The following TNFAIP6 variants were observed in gnomAD, a reference collection of about 807,000 sequenced individuals.
TNFAIP6 encodes the protein TNF alpha induced protein 6.
TNFAIP6 carries 36 observed loss-of-function variants against 33.7 expected under a neutral mutation model. That is an observed-to-expected ratio of 1.07 (90% CI 0.82 to 1.41). TNFAIP6 has a LOEUF of 1.41. Among genes scored for constraint, TNFAIP6 ranks in the 40% most tolerant of loss-of-function variants. TNFAIP6 has a pLI of 0.00. For synonymous variants in TNFAIP6, 113 were observed against 112.8 expected, an observed-to-expected ratio of 1.00 and a Z score of -0.01; for missense variants, 273 against 331.9, an observed-to-expected ratio of 0.82 and a Z score of 1.38.
Position 151,373,930 on chromosome 2 carries a change from G to C in TNFAIP6, c.664+341G>C, listed in dbSNP as rs118009470. On this transcript the variant is annotated intron_variant, in intron 5 of 5. Transcript: ENST00000243347. ...TGAAATTTTTCATTGATAAAGGGTT[G>C]AAGTCATTTATAAAGTCATTAAAAA... Among the ~76,000 whole-genome samples the C allele has an allele frequency of 3.9e-3, 588 of 152,204 alleles. 10 individuals are homozygous for C. The highest frequency in any genetic ancestry group is 0.025 in the Admixed American group (388 of 15,276).
intron 5 of TNFAIP6, among the ~76,000 whole-genome samples, chr2:151,376,938 G>A (rs1413700944): frequency 8.7e-5 from 12 of 138,682 alleles, no homozygotes; most frequent in African/African-American, 1.9e-4. Context: ...GTGCAAGGGC[G>A]CCATCACAGC....
At chr2:151,362,532 C>T (rs1325101465) in intron 1 of TNFAIP6, among the ~76,000 whole-genome samples, 1 of 126,962 alleles carries the variant, frequency 7.9e-6, no homozygotes, top group African/African-American at 3.1e-5. Context: ...TCACTGTCGC[C>T]CAGGCTGGAG....
chr2:151,375,586 T>G (rs1367598925), intron 5 of TNFAIP6, among the ~76,000 whole-genome samples: 1 of 152,020 alleles, frequency 6.6e-6, no homozygotes, highest in East Asian at 1.9e-4. Context: ...CACACGCCTG[T>G]AGTCCCAGCC....
intron 3 of TNFAIP6, chr2:151,368,281 A>G (rs1285433940): frequency 6.5e-6 from 1 of 153,218 alleles, no homozygotes; most frequent in Non-Finnish European, 1.5e-5. Flanking sequence ...AATGAAGAAA[A>G]TGAAGTGTAG....
Position 151,379,430 on chromosome 2 carries a change from A to G in TNFAIP6, c.731A>G (p.Tyr244Cys). The part of the protein sequence containing the change: ...SVTAGGFQIK[Y>C]VAMDPVSKSS... Reference sequence around the variant, plus strand: ...ACAGCTGGAGGTTTCCAAATCAAATATGTTGCAATGGATCCTGTATCCAAA... The same window carrying G: ...ACAGCTGGAGGTTTCCAAATCAAATGTGTTGCAATGGATCCTGTATCCAAA... Residue 244 changes from tyrosine to cysteine, a missense_variant, in exon 6 of 6, where the codon TAT (tyrosine) becomes TGT (cysteine). Transcript: ENST00000243347. 1 of 1,609,978 alleles carries G rather than the reference A, an allele frequency of 6.2e-7. No individual in the cohort carries two copies. Among genetic ancestry groups the G allele is most frequent in the African/African-American group, 1.3e-5 (1 of 74,672 alleles).
intron 2 of TNFAIP6, among the ~76,000 whole-genome samples, chr2:151,365,161 C>T (rs1020704778): frequency 7.9e-5 from 12 of 152,062 alleles, no homozygotes; most frequent in East Asian, 3.9e-4. Context: ...GGCAACATAG[C>T]GAAACCTCAT....
At chr2:151,365,897 C>T (rs140758323) in intron 2 of TNFAIP6, among the ~76,000 whole-genome samples, 159 bp from the exon 3 acceptor site, 108 of 152,218 alleles carry the variant, frequency 7.1e-4, no homozygotes, top group African/African-American at 2.5e-3. Flanking sequence ...TGTGTATTCA[C>T]ACTTTGTCTA....
At chr2:151,372,466 T>A (rs1321124108) in intron 4 of TNFAIP6, among the ~76,000 whole-genome samples, 1 of 152,172 alleles carries the variant, frequency 6.6e-6, no homozygotes, top group African/African-American at 2.4e-5. Flanking sequence ...TCCTTTCAAG[T>A]CATGATTCAG....
At chr2:151,359,296 A>G (rs1684583635) in intron 1 of TNFAIP6, among the ~76,000 whole-genome samples, 1 of 152,158 alleles carries the variant, frequency 6.6e-6, no homozygotes. Flanking sequence ...GTTAGCAACT[A>G]TCAAGAACAG....
rs1160481941 is a variant in TNFAIP6 at position 151,379,898 on chromosome 2, A to G, written c.*365A>G. The G allele has an allele frequency of 1.3e-5, 2 of 153,218 alleles. No homozygotes were observed. The highest frequency in any genetic ancestry group is 4.8e-5 in the African/African-American group (2 of 41,506). The allele number at this position is 153,218 out of a possible 1,614,324, so 9.5% of individuals were successfully genotyped here. On this transcript the variant is annotated 3_prime_UTR_variant, in exon 6 of 6. Transcript: ENST00000243347. ...TTGAACTTTATAAACATTTTCTGAA[A>G]TCATTGATTATTCTACAAAAACATG...
intron 4 of TNFAIP6, chr2:151,372,248 T>C (rs1162311265): frequency 1.3e-5 from 2 of 152,210 alleles, no homozygotes; most frequent in Admixed American, 1.3e-4. Context: ...GAATAAACAT[T>C]GTATTTCAGC....
intron 4 of TNFAIP6, 38 bp downstream of exon 4, chr2:151,370,286 T>C (rs770537878): frequency 6.1e-6 from 9 of 1,480,214 alleles, no homozygotes; most frequent in East Asian, 4.5e-5. Flanking sequence ...TAAATGAACG[T>C]CCAGTATTTT....
At position 151,366,217 on chromosome 2, in the gene TNFAIP6, G is replaced by A. The variant is rs79800957; in HGVS notation, c.394G>A (p.Ala132Thr). 5,231 of 1,613,186 alleles carry A rather than the reference G, an allele frequency of 3.2e-3. 22 individuals are homozygous for A. The highest frequency in any genetic ancestry group is 0.012 in the African/African-American group (872 of 74,980). ...RWDAYCYNPH[A>T]KECGGVFTDP... Reference sequence around the variant, plus strand: ...GGATGCCTATTGCTACAACCCACACGGTGTGTTAAAAATAATAATTTTATG... The same window carrying A: ...GGATGCCTATTGCTACAACCCACACAGTGTGTTAAAAATAATAATTTTATG... Residue 132 changes from alanine (A) to threonine (T), a missense_variant and splice_region_variant, in exon 3 of 6, where the codon GCA (alanine) becomes ACA (threonine). Coordinates refer to ENST00000243347, the MANE Select transcript of TNFAIP6 (RefSeq NM_007115.4).
At chr2:151,372,894 C>T (rs948269678) in intron 4 of TNFAIP6, among the ~76,000 whole-genome samples, 4 of 150,888 alleles carry the variant, frequency 2.7e-5, no homozygotes, top group South Asian at 2.1e-4. Flanking sequence ...TACTCCAGCC[C>T]GGGCTATAGA....
At chr2:151,369,722 CT>C (rs1684778817) in intron 3 of TNFAIP6, among the ~76,000 whole-genome samples, 1 of 152,156 alleles carries the variant, frequency 6.6e-6, no homozygotes. Flanking sequence ...CTGCAATAAG[CT>C]ATGATTGGGT....
intron 5 of TNFAIP6, among the ~76,000 whole-genome samples, chr2:151,377,988 G>A (rs1000243544): frequency 1.3e-5 from 2 of 152,164 alleles, no homozygotes; most frequent in Non-Finnish European, 2.9e-5. Context: ...TATTTAAAAA[G>A]TATCCCCCTC....
Position 151,379,448 on chromosome 2 carries a change from T to C in TNFAIP6, c.749T>C (p.Val250Ala), listed in dbSNP as rs752224364. 2.2e-5 allele frequency: 35 copies of C among 1,607,928 alleles called. No homozygotes were observed. The highest frequency in any genetic ancestry group is 4.4e-5 in the South Asian group (4 of 90,320). ...FQIKYVAMDP[V>A]SKSSQGKNTS... ...ATCAAATATGTTGCAATGGATCCTG[T>C]ATCCAAATCCAGTCAAGGAAAAAAT... Residue 250 changes from valine to alanine, a missense_variant, in exon 6 of 6, where the codon GTA becomes GCA. By Grantham distance (64) the Val-to-Ala change is moderately conservative. Transcript: ENST00000243347.
At chr2:151,364,386 C>T (rs766462931) in intron 2 of TNFAIP6, among the ~76,000 whole-genome samples, 12 of 152,084 alleles carry the variant, frequency 7.9e-5, no homozygotes, top group Non-Finnish European at 1.6e-4. Context: ...CATTGCTATT[C>T]TTTTTAGTAT....
chr2:151,375,391 A>G lies in TNFAIP6; in HGVS notation c.664+1802A>G, dbSNP rs185871995. On this transcript the variant is annotated intron_variant, in intron 5 of 5. Transcript: ENST00000243347. Reference sequence around the variant, plus strand: ...ATACAAAGTAATAGAAAAAGAAGATATAAGATACAGTTAACATAAAATCCT... The same window carrying G: ...ATACAAAGTAATAGAAAAAGAAGATGTAAGATACAGTTAACATAAAATCCT... Among the ~76,000 whole-genome samples the G allele has an allele frequency of 2.8e-4, 42 of 152,272 alleles. 1 individual carries two copies. Among genetic ancestry groups the G allele is most frequent in the Admixed American group, 1.3e-3 (20 of 15,292 alleles).
Sources: gnomAD v4.1 joint callset for allele counts (sites outside exome capture counted in the v4.1 genomes callset) on GRCh38, gnomAD v4.1.1 for gene constraint, MANE v1.5 for transcripts, NCBI Gene and HGNC (gene_info 2026-07-23, HGNC 2026-07-21) for gene names.